Variants in ABI3BP observed in about 807,000 individuals in gnomAD.
ABI3BP encodes ABI family member 3 binding protein, also known as target of Nesh-SH3.
Under a neutral mutation model 268.6 loss-of-function variants are expected in ABI3BP, and 216 were observed. That is an observed-to-expected ratio of 0.80 (90% confidence interval 0.72 to 0.90). The LOEUF (loss-of-function observed/expected upper bound fraction) is 0.90. Among genes scored for constraint, ABI3BP ranks in the 40% least tolerant of loss-of-function variants. The probability of loss-of-function intolerance (pLI) is 0.00; values close to 1 mark genes in which losing one functional copy is unlikely to be tolerated. For missense variants in ABI3BP, 2,090 were observed against 2,182.4 expected, an observed-to-expected ratio of 0.96 and a Z score of 0.84; for synonymous variants, 730 against 730.0, an observed-to-expected ratio of 1.00 and a Z score of 0.00.
At chr3:100,973,169 T>A (rs1054486906) in intron 1 of ABI3BP, among the ~76,000 whole-genome samples, 3 of 152,206 alleles carry the variant, frequency 2.0e-5, no homozygotes, top group Non-Finnish European at 4.4e-5. Flanking sequence ...GTGAGTTAGA[T>A]AAGCTTCATT....
intron 20 of ABI3BP, 65 bp from the exon 21 acceptor site, chr3:100,842,104 T>C: frequency 7.6e-7 from 1 of 1,321,840 alleles, no homozygotes; most frequent in Non-Finnish European, 1.0e-6. Context: ...AGAAGTGACA[T>C]GTTCTTGACT....
At chr3:100,773,202 G>A (rs1182497576) in intron 61 of ABI3BP, among the ~76,000 whole-genome samples, 2 of 151,838 alleles carry the variant, frequency 1.3e-5, no homozygotes, top group Non-Finnish European at 2.9e-5. Context: ...GACACACACT[G>A]GGAAAAAATA....
Position 100,947,479 on chromosome 3 carries a change from A to AT in ABI3BP, c.80-20999dup, listed in dbSNP as rs926102625. 2.6e-5 allele frequency among the ~76,000 whole-genome samples: 4 copies of AT among 151,814 alleles called. No individual in the cohort carries two copies. In the South Asian group the frequency reaches 6.2e-4, roughly 24 times the overall value. ...TGTCTCACAACTTTTTATCAGGCAA[A>AT]TTTTTTTTTCTTGTATTTTAAACCT... is the stretch of plus-strand genomic sequence containing the variant. On this transcript the variant is annotated intron_variant, in intron 1 of 67. Transcript: ENST00000471714.
At chr3:100,936,644 C>T (rs1201704490) in intron 1 of ABI3BP, among the ~76,000 whole-genome samples, 1 of 151,986 alleles carries the variant, frequency 6.6e-6, no homozygotes, top group Non-Finnish European at 1.5e-5. Context: ...TAATTGCTGC[C>T]TCAATTTCCG....
chr3:100,879,279 G>A (rs1303897635), intron 6 of ABI3BP, among the ~76,000 whole-genome samples: 1 of 152,284 alleles, frequency 6.6e-6, no homozygotes, highest in Non-Finnish European at 1.5e-5. Flanking sequence ...CATGGGAGCT[G>A]CCAGGCAAGA....
In ABI3BP at chr3:100,833,271, G is replaced by A. The variant is rs1413863513; in HGVS notation, c.2282-114C>T. ...TTACCATTATAGCGTTGGTTCTATAGCCACAAAGCAAACATTTTGAAGTTC... is the reference window on the plus strand; with the variant it reads ...TTACCATTATAGCGTTGGTTCTATAACCACAAAGCAAACATTTTGAAGTTC... On this transcript the variant is annotated intron_variant, in intron 29 of 67. Transcript: ENST00000471714. 1.3e-5 allele frequency: 12 copies of A among 929,868 alleles called. No homozygotes were observed. The Admixed American group carries it at 1.8e-4, about 14-fold the overall frequency. 57.6% of individuals were successfully genotyped at this position (929,868 alleles called of 1,614,324 possible). A position where few individuals can be genotyped will look rare whatever the true frequency, so the allele number is the denominator to read the frequency against.
intron 17 of ABI3BP, among the ~76,000 whole-genome samples, chr3:100,849,499 C>T (rs1580404983): frequency 6.6e-6 from 1 of 152,172 alleles, no homozygotes; most frequent in East Asian, 1.9e-4. Context: ...GCCGGGATTA[C>T]AGGCGTGAGG....
chr3:100,816,459 G>A (rs746286047), intron 43 of ABI3BP: 260 of 609,840 alleles, frequency 4.3e-4, no homozygotes, highest in Non-Finnish European at 6.5e-4. Flanking sequence ...GACCAAGAAC[G>A]TCATCCAAAC....
chr3:100,823,888 C>T (rs2098301318), intron 36 of ABI3BP, among the ~76,000 whole-genome samples: 1 of 152,126 alleles, frequency 6.6e-6, no homozygotes, highest in South Asian at 2.1e-4. Context: ...AATATTAGCG[C>T]TTATTACATA....
At chr3:100,818,383 C>A (rs1415071966) in intron 41 of ABI3BP, 142 bp downstream of exon 41, 9 of 748,886 alleles carry the variant, frequency 1.2e-5, no homozygotes, top group Non-Finnish European at 1.9e-5. Context: ...TGACACAGAG[C>A]CTAGCATAAT....
intron 14 of ABI3BP, among the ~76,000 whole-genome samples, chr3:100,857,381 G>A (rs1438106240): frequency 1.3e-5 from 2 of 152,204 alleles, no homozygotes; most frequent in African/African-American, 2.4e-5. Context: ...TTTCTAAGAC[G>A]TAACCACCTG....
chr3:100,966,840 A>T (rs1158037287), intron 1 of ABI3BP, among the ~76,000 whole-genome samples: 1 of 152,200 alleles, frequency 6.6e-6, no homozygotes, highest in Admixed American at 6.5e-5. Context: ...TACATGCTAC[A>T]TCTCTGTACC....
chr3:100,936,480 G>A (rs1409181119), intron 1 of ABI3BP, among the ~76,000 whole-genome samples: 1 of 152,116 alleles, frequency 6.6e-6, no homozygotes, highest in African/African-American at 2.4e-5. Flanking sequence ...TCAGGATGAT[G>A]CTGGCCTCAT....
chr3:100,778,200 T>G (rs2096761982), intron 59 of ABI3BP, 84 bp downstream of exon 59: 5 of 1,338,538 alleles, frequency 3.7e-6, no homozygotes, highest in Non-Finnish European at 5.3e-6. Flanking sequence ...ATAGTGTGCC[T>G]GTTGCTAGCA....
intron 37 of ABI3BP, among the ~76,000 whole-genome samples, chr3:100,823,144 G>C (rs1304147633): frequency 6.6e-6 from 1 of 152,126 alleles, no homozygotes; most frequent in African/African-American, 2.4e-5. Context: ...GGCTTTATGA[G>C]AGTTAATAGC....
chr3:100,972,432 C>T (rs988446750), intron 1 of ABI3BP, among the ~76,000 whole-genome samples: 3 of 152,170 alleles, frequency 2.0e-5, no homozygotes, highest in South Asian at 2.1e-4. Flanking sequence ...TGCACTAAAA[C>T]AACCAGGTTC....
At chr3:100,758,088 T>C (rs911191472) in intron 63 of ABI3BP, among the ~76,000 whole-genome samples, 4 of 149,470 alleles carry the variant, frequency 2.7e-5, no homozygotes, top group Admixed American at 6.7e-5. Flanking sequence ...TAGGTGTAAA[T>C]CCCCTCCAAA....
At chr3:100,829,795 A>C in intron 32 of ABI3BP, 131 bp from the exon 33 acceptor site, 1 of 644,148 alleles carries the variant, frequency 1.6e-6, no homozygotes, top group Non-Finnish European at 2.7e-6. Flanking sequence ...CCCCTATTTC[A>C]ATACAGTGTC....
At chr3:100,808,062 A>T in intron 50 of ABI3BP, 99 bp downstream of exon 50, 1 of 1,052,542 alleles carries the variant, frequency 9.5e-7, no homozygotes, top group Non-Finnish European at 1.4e-6. Context: ...TACAAGTGTT[A>T]AAGACTCAAT....
Sources: allele counts gnomAD v4.1 joint callset (sites outside exome capture counted in the v4.1 genomes callset), GRCh38; gene constraint gnomAD v4.1.1; transcripts MANE v1.5; gene names NCBI Gene and HGNC (gene_info 2026-07-23, HGNC 2026-07-21).